The following CIT variants were observed in gnomAD, a reference collection of about 807,000 sequenced individuals.
CIT encodes the protein citron rho-interacting serine/threonine kinase.
Under a neutral mutation model 272.7 loss-of-function variants are expected in CIT, and 79 were observed. That is an observed-to-expected ratio of 0.29 (90% confidence interval 0.24 to 0.35). The LOEUF (loss-of-function observed/expected upper bound fraction) is 0.35. Ranked by LOEUF, CIT falls within the 10% of genes least tolerant of loss-of-function variation. The pLI is 1.00. For synonymous variants in CIT, 948 were observed against 995.6 expected, an observed-to-expected ratio of 0.95 and a Z score of 0.90; for missense variants, 1,909 against 2,618.3, an observed-to-expected ratio of 0.73 and a Z score of 5.91.
At position 119,690,109 on chromosome 12, in the gene CIT, G is replaced by T; in HGVS notation, c.6186+42C>A. The stretch of plus-strand genomic sequence containing the variant: ...GGCCTCAGTTCCCCAAGTCACTCCT[G>T]GCCTCCGCAACAGACACACAGGCCT... On this transcript the variant is annotated intron_variant, in intron 47 of 47. Transcript: ENST00000392521. The surrounding 1 kb of genome is among the most constrained non-coding windows in gnomAD (Gnocchi z 6.0). The T allele has an allele frequency of 7.0e-7, 1 of 1,433,188 alleles. No individual in the cohort carries two copies. 88.8% of individuals were successfully genotyped at this position (1,433,188 alleles called of 1,614,324 possible).
intron 40 of CIT, among the ~76,000 whole-genome samples, chr12:119,706,753 T>C (rs1354713834): frequency 6.6e-6 from 1 of 152,246 alleles, no homozygotes; most frequent in Non-Finnish European, 1.5e-5. Flanking sequence ...AACATACACA[T>C]GCATGTGACT....
chr12:119,760,271 G>C (rs1033727666), intron 20 of CIT, among the ~76,000 whole-genome samples: 1 of 151,692 alleles, frequency 6.6e-6, no homozygotes, highest in Non-Finnish European at 1.5e-5. Flanking sequence ...GTAAACCTTA[G>C]GGGCAACAAG....
chr12:119,845,735 A>C (rs1325919548), intron 5 of CIT, among the ~76,000 whole-genome samples: 3 of 150,790 alleles, frequency 2.0e-5, no homozygotes, highest in African/African-American at 7.3e-5. Flanking sequence ...GCGGATCACA[A>C]GGTCAGGAGT....
At chr12:119,744,802 T>C (rs1286457541) in intron 23 of CIT, among the ~76,000 whole-genome samples, 1 of 151,296 alleles carries the variant, frequency 6.6e-6, no homozygotes, top group Non-Finnish European at 1.5e-5. Context: ...TATTTTTCCA[T>C]AAATACTATT....
At chr12:119,785,169 CT>C (rs1964672634) in intron 10 of CIT, 104 bp from the exon 11 acceptor site, 1 of 1,244,796 alleles carries the variant, frequency 8.0e-7, no homozygotes, top group African/African-American at 1.5e-5. Flanking sequence ...ATCTCATGCT[CT>C]TGATGTTAGG....
chr12:119,841,660 G>T (rs1368876307), intron 5 of CIT, among the ~76,000 whole-genome samples: 1 of 152,172 alleles, frequency 6.6e-6, no homozygotes, highest in Non-Finnish European at 1.5e-5. Flanking sequence ...AATGTGAGAG[G>T]AAATGATGTG....
At chr12:119,747,594 C>A (rs906832674) in intron 23 of CIT, among the ~76,000 whole-genome samples, 2 of 151,816 alleles carry the variant, frequency 1.3e-5, no homozygotes, top group African/African-American at 4.8e-5. Context: ...TGGGCGAGCA[C>A]CTGTAGTCCC....
intron 14 of CIT, 39 bp downstream of exon 14, chr12:119,776,633 T>A (rs1346444887): frequency 6.3e-7 from 1 of 1,578,696 alleles, no homozygotes; most frequent in East Asian, 2.2e-5. Context: ...CATGTACAAT[T>A]TTACCCAAAA....
intron 5 of CIT, among the ~76,000 whole-genome samples, chr12:119,845,588 G>A (rs2138211316): frequency 6.6e-6 from 1 of 151,058 alleles, no homozygotes; most frequent in East Asian, 2.0e-4. Context: ...AGGAGGTGGA[G>A]GCTGCAGTGA....
In CIT at chr12:119,712,102, AT is replaced by A; in HGVS notation, c.4854+75del. 1 of 1,403,910 alleles carries A rather than the reference AT, an allele frequency of 7.1e-7. No homozygotes were observed. Among genetic ancestry groups the A allele is most frequent in the Non-Finnish European group, 9.7e-7 (1 of 1,029,792 alleles). 87.0% of individuals were successfully genotyped at this position (1,403,910 alleles called of 1,614,324 possible). A position where few individuals can be genotyped will look rare whatever the true frequency, so the allele number is the denominator to read the frequency against. On this transcript the variant is annotated intron_variant, in intron 37 of 47. Transcript: ENST00000392521. The surrounding 1 kb of genome is among the most constrained non-coding windows in gnomAD (Gnocchi z 5.2). ...GAGGGGAATCAAAATGGCCAATGGGATTCTCGTCGTTAACACCAGTTACCAA... is the reference window on the plus strand; with the variant it reads ...GAGGGGAATCAAAATGGCCAATGGGATCTCGTCGTTAACACCAGTTACCAA...
intron 3 of CIT, among the ~76,000 whole-genome samples, chr12:119,859,162 C>T (rs752289833): frequency 3.3e-5 from 5 of 152,148 alleles, no homozygotes; most frequent in African/African-American, 4.8e-5. Flanking sequence ...TAATCCTGCA[C>T]GTTACAAGGG....
chr12:119,780,188 G>A (rs982847978), intron 13 of CIT, among the ~76,000 whole-genome samples: 3 of 152,320 alleles, frequency 2.0e-5, no homozygotes, highest in Admixed American at 6.5e-5. Flanking sequence ...CTGAGTAGGG[G>A]AGCAAGGAAG....
chr12:119,858,803 C>T (rs1031313980), intron 3 of CIT, among the ~76,000 whole-genome samples: 4 of 150,758 alleles, frequency 2.7e-5, no homozygotes, highest in Non-Finnish European at 5.9e-5. Context: ...GCCTGAGTGA[C>T]AGAGCGAGAC....
rs765763044 is a variant in CIT at position 119,717,414 on chromosome 12, C to CTTTTTTTTTT, written c.4168+830_4168+831insAAAAAAAAAA. Among the ~76,000 whole-genome samples the CTTTTTTTTTT allele has an allele frequency of 2.5e-4, 27 of 109,442 alleles. 1 individual carries two copies. The highest frequency in any genetic ancestry group is 6.3e-4 in the African/African-American group (16 of 25,592). The allele number at this position is 109,442 out of a possible 152,430, so 71.8% of individuals were successfully genotyped here. A position where few individuals can be genotyped will look rare whatever the true frequency, so the allele number is the denominator to read the frequency against. On this transcript the variant is annotated intron_variant, in intron 32 of 47. Coordinates refer to ENST00000392521, the MANE Select transcript of CIT (RefSeq NM_001206999.2). ...ATTTTTTCATATTCTTTTTTCTTTT[C>CTTTTTTTTTT]TTTTCTTTTTTTTTTTTTTTTTTTG... is the stretch of plus-strand genomic sequence containing the variant.
At chr12:119,805,171 A>C (rs974920386) in intron 9 of CIT, among the ~76,000 whole-genome samples, 1 of 152,208 alleles carries the variant, frequency 6.6e-6, no homozygotes, top group African/African-American at 2.4e-5. Context: ...AGACTGAGGA[A>C]ATTTATGGAG....
chr12:119,857,791 G>A, intron 3 of CIT, 93 bp from the exon 4 acceptor site: 1 of 1,146,152 alleles, frequency 8.7e-7, no homozygotes, highest in Non-Finnish European at 1.2e-6. Context: ...ATAGCATTCG[G>A]ATAGCTTCCC....
intron 32 of CIT, 46 bp from the exon 33 acceptor site, chr12:119,714,380 C>A: frequency 6.2e-7 from 1 of 1,604,774 alleles, no homozygotes; most frequent in Non-Finnish European, 8.5e-7. Context: ...TGCAAATGAT[C>A]CCATCAGGAA....
At chr12:119,739,874 C>G (rs1189575647) in intron 24 of CIT, among the ~76,000 whole-genome samples, 1 of 152,130 alleles carries the variant, frequency 6.6e-6, no homozygotes, top group East Asian at 1.9e-4. Flanking sequence ...TCTTCCCTCA[C>G]CCAGCCCCCA....
At chr12:119,788,990 G>A (rs1346931930) in intron 10 of CIT, among the ~76,000 whole-genome samples, 1 of 152,142 alleles carries the variant, frequency 6.6e-6, no homozygotes, top group African/African-American at 2.4e-5. Context: ...AAACAATCAT[G>A]GGATTGGAGG....
Sources: gnomAD v4.1 joint callset for allele counts (sites outside exome capture counted in the v4.1 genomes callset) on GRCh38, gnomAD v4.1.1 for gene constraint, Gnocchi (gnomAD v3.1) non-coding constraint, MANE v1.5 for transcripts, NCBI Gene and HGNC (gene_info 2026-07-23, HGNC 2026-07-21) for gene names.